The following PHACTR1 variants were observed in gnomAD, a reference collection of about 807,000 sequenced individuals.
The protein encoded by PHACTR1 is RPEL repeat containing 1.
In PHACTR1, 16 loss-of-function variants were observed where a neutral mutation model predicts 69.2. That is an observed-to-expected ratio of 0.23 (90% CI 0.16 to 0.35). The LOEUF (loss-of-function observed/expected upper bound fraction) is 0.35, where lower values mean the gene tolerates loss of function less well. Ranked by LOEUF, PHACTR1 falls within the 10% of genes least tolerant of loss-of-function variation. PHACTR1 has a pLI of 1.00. For synonymous variants in PHACTR1, 312 were observed against 284.5 expected, an observed-to-expected ratio of 1.10 and a Z score of -0.97; for missense variants, 510 against 734.7, an observed-to-expected ratio of 0.69 and a Z score of 3.54.
rs59375667 is a variant in PHACTR1, at chr6:13,243,288, A to G, written c.1391+13095A>G. 5.4e-3 allele frequency among the ~76,000 whole-genome samples: 806 copies of G among 150,338 alleles called. 12 individuals carry two copies. Among genetic ancestry groups the G allele is most frequent in the African/African-American group, 0.019 (772 of 40,866 alleles). On this transcript the variant is annotated intron_variant, in intron 10 of 14. Transcript: ENST00000332995. ...GAGATGTTCTTTTTTTCTTTTCTAC[A>G]ACCTTATAACCACTTATGAGCTTAA... is the stretch of plus-strand genomic sequence containing the variant.
At chr6:13,067,711 A>G (rs1228201596) in intron 5 of PHACTR1, among the ~76,000 whole-genome samples, 4 of 152,216 alleles carry the variant, frequency 2.6e-5, no homozygotes, top group African/African-American at 9.6e-5. Flanking sequence ...CAATATAACT[A>G]TCTCTTTCTG....
At chr6:13,209,617 C>T (rs1210992564) in intron 8 of PHACTR1, among the ~76,000 whole-genome samples, 3 of 152,190 alleles carry the variant, frequency 2.0e-5, no homozygotes, top group Admixed American at 1.3e-4. Context: ...CTGGACCATA[C>T]ATTTGCACAA....
intron 4 of PHACTR1, among the ~76,000 whole-genome samples, chr6:13,014,844 T>C (rs1799935325): frequency 6.6e-6 from 1 of 152,178 alleles, no homozygotes; most frequent in Non-Finnish European, 1.5e-5. Flanking sequence ...TGCCAGCGAC[T>C]CTGGGCAGGA....
chr6:12,837,613 C>A (rs999948660), intron 4 of PHACTR1, among the ~76,000 whole-genome samples: 1 of 151,458 alleles, frequency 6.6e-6, no homozygotes, highest in Non-Finnish European at 1.5e-5. Flanking sequence ...ATGAGACAAA[C>A]AAACCACAAA....
chr6:12,936,890 C>T (rs1789514552), intron 4 of PHACTR1, among the ~76,000 whole-genome samples: 1 of 152,148 alleles, frequency 6.6e-6, no homozygotes, highest in Non-Finnish European at 1.5e-5. Context: ...TGACTTTTTG[C>T]CCTAGACTTA....
chr6:12,752,383 G>A (rs1019853570), intron 4 of PHACTR1, among the ~76,000 whole-genome samples: 17 of 152,158 alleles, frequency 1.1e-4, no homozygotes, highest in African/African-American at 3.4e-4. Context: ...TTTTGTTTAT[G>A]TCTTAACCAC....
intron 4 of PHACTR1, among the ~76,000 whole-genome samples, chr6:12,931,347 A>G (rs1026328724): frequency 2.0e-5 from 3 of 152,158 alleles, no homozygotes; most frequent in Non-Finnish European, 4.4e-5. Flanking sequence ...GTTTAGTCTC[A>G]GGGTCATACC....
At position 13,182,776 on chromosome 6, in the gene PHACTR1, T is replaced by C. The variant is rs1000895603; in HGVS notation, c.664+90T>C. On this transcript the variant is annotated intron_variant, in intron 7 of 14. Coordinates refer to ENST00000332995, the MANE Select transcript of PHACTR1 (RefSeq NM_030948.6). ...TTTGGCCTGGCTGGACTTGGAATTC[T>C]ATTTTGGACTATCCTGAGCGTAAGG... 12 of 1,304,638 alleles carry C rather than the reference T, an allele frequency of 9.2e-6. No individual in the cohort carries two copies. In the African/African-American group the frequency reaches 1.5e-4, roughly 16 times the overall value. The allele number at this position is 1,304,638 out of a possible 1,614,324, so 80.8% of individuals were successfully genotyped here.
intron 4 of PHACTR1, among the ~76,000 whole-genome samples, chr6:12,808,799 TCTC>T (rs1382947124): frequency 6.6e-6 from 1 of 151,504 alleles, no homozygotes; most frequent in Non-Finnish European, 1.5e-5. Context: ...TCCTCCTTCT[TCTC>T]CTTCTTCTCC....
rs560899962 is a variant in PHACTR1 at position 12,914,059 on chromosome 6, C to T, written c.251-139306C>T. On this transcript the variant is annotated intron_variant, in intron 4 of 14. Coordinates refer to ENST00000332995, the MANE Select transcript of PHACTR1 (RefSeq NM_030948.6). Reference sequence around the variant, plus strand: ...TTTCAGCTTACTGCTACCTCCGCCTCCCAGATTCAAGCAATTCTCCTGCCT... The same window carrying T: ...TTTCAGCTTACTGCTACCTCCGCCTTCCAGATTCAAGCAATTCTCCTGCCT... 2.0e-5 allele frequency among the ~76,000 whole-genome samples: 3 copies of T among 152,238 alleles called. No homozygotes were observed. The East Asian group carries it at 5.8e-4, about 29-fold the overall frequency.
chr6:12,784,200 A>T (rs1018684871), intron 4 of PHACTR1, among the ~76,000 whole-genome samples: 1 of 152,052 alleles, frequency 6.6e-6, no homozygotes, highest in Non-Finnish European at 1.5e-5. Flanking sequence ...ATACATATAT[A>T]TCTATACACA....
At chr6:12,735,455 T>G (rs1280116091) in intron 3 of PHACTR1, among the ~76,000 whole-genome samples, 1 of 152,172 alleles carries the variant, frequency 6.6e-6, no homozygotes, top group Admixed American at 6.5e-5. Flanking sequence ...GCTACCACAA[T>G]ACAAACGTTT....
chr6:12,848,324 C>T (rs1254170086), intron 4 of PHACTR1, among the ~76,000 whole-genome samples: 1 of 152,182 alleles, frequency 6.6e-6, no homozygotes, highest in East Asian at 1.9e-4. Flanking sequence ...CATATATGTG[C>T]ATATACATAT....
At chr6:12,803,972 T>A (rs894479938) in intron 4 of PHACTR1, among the ~76,000 whole-genome samples, 2 of 152,154 alleles carry the variant, frequency 1.3e-5, no homozygotes, top group Non-Finnish European at 2.9e-5. Flanking sequence ...TAACAAATTA[T>A]CAATTGGTCC....
At chr6:13,164,688 C>A (rs998595040) in intron 6 of PHACTR1, among the ~76,000 whole-genome samples, 1 of 152,124 alleles carries the variant, frequency 6.6e-6, no homozygotes, top group Non-Finnish European at 1.5e-5. Flanking sequence ...TCATAGAAAC[C>A]ATGAAAATAA....
intron 2 of PHACTR1, 106 bp downstream of exon 2, chr6:12,717,849 T>G (rs1761588409): frequency 6.6e-6 from 1 of 152,168 alleles, no homozygotes; most frequent in South Asian, 2.1e-4. Flanking sequence ...GAGAAACCAA[T>G]TGGATTAGAC....
intron 4 of PHACTR1, among the ~76,000 whole-genome samples, chr6:12,837,439 T>C (rs1431677146): frequency 3.8e-5 from 5 of 130,056 alleles, no homozygotes; most frequent in African/African-American, 1.5e-4. Context: ...TATCTGCCTT[T>C]CTCCAGGGAG....
intron 4 of PHACTR1, among the ~76,000 whole-genome samples, chr6:12,834,623 G>A (rs556959582): frequency 1.3e-5 from 2 of 152,258 alleles, no homozygotes; most frequent in African/African-American, 4.8e-5. Flanking sequence ...ATAGCAGTGG[G>A]TGGAAACAAA....
At chr6:13,073,231 A>AAAAAAAAAAAG (rs1469686508) in intron 5 of PHACTR1, among the ~76,000 whole-genome samples, 3 of 151,846 alleles carry the variant, frequency 2.0e-5, no homozygotes, top group African/African-American at 7.3e-5. Flanking sequence ...TTAACAAAAA[A>AAAAAAAAAAAG]AAAAGAAAAT....
Sources: allele counts gnomAD v4.1 joint callset (sites outside exome capture counted in the v4.1 genomes callset), GRCh38; gene constraint gnomAD v4.1.1; transcripts MANE v1.5; gene names NCBI Gene and HGNC (gene_info 2026-07-23, HGNC 2026-07-21).